Variants in LSAMP observed in about 807,000 individuals in gnomAD.
The protein encoded by LSAMP is limbic system associated membrane protein, also known as limbic system-associated membrane protein.
Under a neutral mutation model 38.6 loss-of-function variants are expected in LSAMP, and 7 were observed. The observed-to-expected ratio is 0.18, with a 90% CI of 0.10 to 0.34. The LOEUF (loss-of-function observed/expected upper bound fraction) is 0.34, where lower values mean the gene tolerates loss of function less well. LSAMP is among the 10% of genes least tolerant of loss of function. The pLI is 1.00. For missense variants in LSAMP, 313 were observed against 420.0 expected (o/e 0.75, Z 2.23); for synonymous variants, 154 against 166.8 (o/e 0.92, Z 0.59).
intron 2 of LSAMP, among the ~76,000 whole-genome samples, chr3:116,023,994 T>C (rs971970307): frequency 1.1e-4 from 17 of 152,180 alleles, no homozygotes; most frequent in Admixed American, 1.1e-3. Context: ...TTTCAGCTCA[T>C]CAGCTTGTCT....
intron 1 of LSAMP, among the ~76,000 whole-genome samples, chr3:116,316,778 GAA>G (rs35294836): frequency 1.8e-4 from 21 of 119,044 alleles, no homozygotes; most frequent in Admixed American, 1.9e-4. Flanking sequence ...CTCAAAAAAA[GAA>G]AAAAAAAAAA....
At chr3:115,820,977 T>G (rs561951338) in intron 6 of LSAMP, among the ~76,000 whole-genome samples, 93 of 152,310 alleles carry the variant, frequency 6.1e-4, no homozygotes, top group Middle Eastern at 6.8e-3. Context: ...GAGCTTTATT[T>G]TAAAACACCT....
intron 2 of LSAMP, among the ~76,000 whole-genome samples, chr3:116,058,964 A>G (rs1941544032): frequency 6.6e-6 from 1 of 152,060 alleles, no homozygotes; most frequent in African/African-American, 2.4e-5. Context: ...TTTCCAATCA[A>G]CACTGACTCC....
intron 1 of LSAMP, among the ~76,000 whole-genome samples, chr3:116,127,790 G>C (rs1318330112): frequency 6.7e-6 from 1 of 148,450 alleles, no homozygotes; most frequent in Non-Finnish European, 1.5e-5. Flanking sequence ...TTAATAATGG[G>C]AATATTAAAA....
intron 3 of LSAMP, among the ~76,000 whole-genome samples, chr3:115,940,514 G>A (rs1937883428): frequency 6.6e-6 from 1 of 152,174 alleles, no homozygotes; most frequent in Non-Finnish European, 1.5e-5. Context: ...CGACCCAGAA[G>A]CTCAGCTGGC....
chr3:116,287,758 C>T (rs1010862443), intron 1 of LSAMP, among the ~76,000 whole-genome samples: 5 of 152,192 alleles, frequency 3.3e-5, no homozygotes, highest in Admixed American at 6.5e-5. Flanking sequence ...AAAGTCCCAC[C>T]TCCAGTTTGA....
chr3:116,240,830 T>C (rs997510031), intron 1 of LSAMP, among the ~76,000 whole-genome samples: 3 of 152,244 alleles, frequency 2.0e-5, no homozygotes, highest in Non-Finnish European at 4.4e-5. Context: ...AATAACATGC[T>C]ATGCCAGATA....
chr3:116,270,998 TCATAAGTAA>T (rs1173927112), intron 1 of LSAMP, among the ~76,000 whole-genome samples: 1 of 152,100 alleles, frequency 6.6e-6, no homozygotes, highest in Non-Finnish European at 1.5e-5. Flanking sequence ...CAGATTCTTT[TCATAAGTAA>T]CATGCTAGAA....
intron 1 of LSAMP, among the ~76,000 whole-genome samples, chr3:116,355,497 T>C (rs1372540951): frequency 2.0e-5 from 3 of 152,150 alleles, no homozygotes; most frequent in Non-Finnish European, 2.9e-5. Flanking sequence ...AAAGAAAACA[T>C]TGGATAAACT....
chr3:115,885,534 A>T (rs1936430393), intron 3 of LSAMP, among the ~76,000 whole-genome samples: 1 of 150,804 alleles, frequency 6.6e-6, no homozygotes. Flanking sequence ...GGTAAGTTTA[A>T]TATCAGCTAA....
intron 3 of LSAMP, among the ~76,000 whole-genome samples, chr3:115,958,333 C>T (rs1411195933): frequency 1.3e-5 from 2 of 152,050 alleles, no homozygotes; most frequent in Non-Finnish European, 2.9e-5. Context: ...CTTAATTTTC[C>T]AGCTAGATTA....
At chr3:116,380,142 C>T (rs1464420537) in intron 1 of LSAMP, among the ~76,000 whole-genome samples, 3 of 151,836 alleles carry the variant, frequency 2.0e-5, no homozygotes, top group Non-Finnish European at 4.4e-5. Context: ...CATGGTTTTC[C>T]CATTGGTAAA....
chr3:116,295,506 T>C (rs2047319379), intron 1 of LSAMP, among the ~76,000 whole-genome samples: 1 of 152,214 alleles, frequency 6.6e-6, no homozygotes, highest in Non-Finnish European at 1.5e-5. Flanking sequence ...TTAAACTTTC[T>C]ATTATGTGGT....
chr3:115,873,551 C>T (rs755247123), intron 3 of LSAMP, among the ~76,000 whole-genome samples: 27 of 151,908 alleles, frequency 1.8e-4, no homozygotes, highest in Admixed American at 5.2e-4. Context: ...TTAATTTTTC[C>T]GGTCATTCTA....
intron 1 of LSAMP, among the ~76,000 whole-genome samples, chr3:116,332,232 A>G (rs1159779537): frequency 1.3e-5 from 2 of 152,186 alleles, no homozygotes; most frequent in African/African-American, 4.8e-5. Flanking sequence ...ACTTTGGTTT[A>G]TAACTGTACA....
At chr3:115,995,105 T>C (rs1404679731) in intron 3 of LSAMP, among the ~76,000 whole-genome samples, 1 of 152,130 alleles carries the variant, frequency 6.6e-6, no homozygotes, top group Non-Finnish European at 1.5e-5. Context: ...CTTGTCAACT[T>C]TCCATACATA....
At chr3:116,325,038 T>C (rs772834039) in intron 1 of LSAMP, among the ~76,000 whole-genome samples, 1 of 151,674 alleles carries the variant, frequency 6.6e-6, no homozygotes, top group African/African-American at 2.4e-5. Context: ...TTCTTGGCCA[T>C]ATCTAGAAGA....
intron 2 of LSAMP, among the ~76,000 whole-genome samples, chr3:116,038,468 C>A (rs1323295472): frequency 6.6e-6 from 1 of 152,110 alleles, no homozygotes; most frequent in Non-Finnish European, 1.5e-5. Flanking sequence ...AGGTGACCAG[C>A]AACTTTTATT....
intron 1 of LSAMP, among the ~76,000 whole-genome samples, chr3:116,300,646 T>TCTAA: frequency 6.6e-6 from 1 of 152,116 alleles, no homozygotes; most frequent in East Asian, 1.9e-4. Flanking sequence ...CTTATGAGAA[T>TCTAA]CTAACTAATA....
Sources: gnomAD v4.1 joint callset for allele counts (sites outside exome capture counted in the v4.1 genomes callset) on GRCh38, gnomAD v4.1.1 for gene constraint, MANE v1.5 for transcripts, NCBI Gene and HGNC (gene_info 2026-07-23, HGNC 2026-07-21) for gene names.